The following ETF1 variants were observed in gnomAD, a reference collection of about 807,000 sequenced individuals.
The protein encoded by ETF1 is eukaryotic peptide chain release factor subunit 1.
Under a neutral mutation model 55.1 loss-of-function variants are expected in ETF1, and 4 were observed. The ratio of observed to expected loss-of-function variants is 0.07; its 90% CI spans 0.04 to 0.17. ETF1 has a LOEUF of 0.17. ETF1 is among the 10% of genes least tolerant of loss of function. The pLI is 1.00. For missense variants in ETF1, 142 were observed against 523.6 expected (o/e 0.27, Z 7.11); for synonymous variants, 157 against 182.3 (o/e 0.86, Z 1.12).
intron 2 of ETF1, among the ~76,000 whole-genome samples, chr5:138,536,255 G>C (rs998675450): frequency 6.6e-6 from 1 of 152,184 alleles, no homozygotes; most frequent in Admixed American, 6.5e-5. Flanking sequence ...GATCTTAGAA[G>C]AACAAATGAA....
chr5:138,510,766 T>G, intron 8 of ETF1, 137 bp from the exon 9 acceptor site: 2 of 1,239,846 alleles, frequency 1.6e-6, no homozygotes, highest in Non-Finnish European at 1.1e-6. Context: ...CATGTTAGCA[T>G]ACACTGAGTG....
chr5:138,531,486 A>G (rs1223938698), intron 2 of ETF1, among the ~76,000 whole-genome samples: 1 of 152,204 alleles, frequency 6.6e-6, no homozygotes, highest in African/African-American at 2.4e-5. Context: ...ACTCAACTTT[A>G]CCAGCCCGAA....
At position 138,510,561 on chromosome 5, in the gene ETF1, A is replaced by G. The variant is rs1220103581; in HGVS notation, c.1083+4T>C. The G allele has an allele frequency of 1.2e-6, 2 of 1,602,834 alleles. No homozygotes were observed. Among genetic ancestry groups the G allele is most frequent in the African/African-American group, 1.3e-5 (1 of 74,728 alleles). On this transcript the variant is annotated splice_donor_region_variant and intron_variant, in intron 9 of 10. Transcript: ENST00000360541. ...ATCATCAAACCAAGAAAATAATCAC[A>G]TACCTCTTTGTCTGTGAAATGAGAT...
At chr5:138,543,010 C>T (rs1561850725) in intron 1 of ETF1, 74 bp from the exon 2 acceptor site, 1 of 1,374,400 alleles carries the variant, frequency 7.3e-7, no homozygotes, top group Non-Finnish European at 1.0e-6. Flanking sequence ...GAGCGGCCCC[C>T]TTCCTCGCCA....
chr5:138,536,277 AAGAGTACAAAC>A (rs1208641161), intron 2 of ETF1, among the ~76,000 whole-genome samples: 1 of 152,250 alleles, frequency 6.6e-6, no homozygotes, highest in Non-Finnish European at 1.5e-5. Context: ...ATGTGAAAAC[AAGAGTACAAAC>A]TCAACATGCA....
intron 2 of ETF1, chr5:138,519,310 A>G (rs1249993911): frequency 2.3e-6 from 1 of 426,580 alleles, no homozygotes; most frequent in Non-Finnish European, 3.1e-6. Context: ...TCAAGAATTT[A>G]GTATTCTAAT....
rs542414597 is a variant in ETF1 at position 138,506,119 on chromosome 5, C to T, written c.*2186G>A. The T allele has an allele frequency of 1.3e-5, 2 of 152,722 alleles. No homozygotes were observed. Among genetic ancestry groups the T allele is most frequent in the African/African-American group, 4.8e-5 (2 of 41,574 alleles). 9.5% of individuals were successfully genotyped at this position (152,722 alleles called of 1,614,324 possible). ...ATATTCTTAAATATGGTTTAATACT[C>T]TTCTCCATTTCTGTACATCACAACA... On this transcript the variant is annotated 3_prime_UTR_variant, in exon 11 of 11. Transcript: ENST00000360541.
intron 2 of ETF1, among the ~76,000 whole-genome samples, chr5:138,538,172 G>T (rs1251840328): frequency 6.7e-6 from 1 of 148,392 alleles, no homozygotes; most frequent in Admixed American, 6.7e-5. Context: ...TTACAGGCGT[G>T]AGCCACCACG....
At chr5:138,542,611 A>T in intron 2 of ETF1, 3 of 1,418,628 alleles carry the variant, frequency 2.1e-6, no homozygotes, top group Non-Finnish European at 2.8e-6. Context: ...AGTGATCTAA[A>T]CCGGGGAGCG....
chr5:138,528,224 C>T (rs764731317), intron 2 of ETF1, among the ~76,000 whole-genome samples: 1 of 152,090 alleles, frequency 6.6e-6, no homozygotes, highest in African/African-American at 2.4e-5. Context: ...GGCAACAAAC[C>T]CCAAAGATTT....
chr5:138,538,090 A>G (rs1027546837), intron 2 of ETF1, among the ~76,000 whole-genome samples: 3 of 146,074 alleles, frequency 2.1e-5, no homozygotes, highest in African/African-American at 7.8e-5. Flanking sequence ...GGGTTTCTCC[A>G]TGTTGGTCAG....
intron 2 of ETF1, chr5:138,541,804 G>A (rs1766189148): frequency 2.0e-6 from 1 of 507,178 alleles, no homozygotes; most frequent in Non-Finnish European, 3.2e-6. Context: ...AAGTTTCTAT[G>A]ACTGGGAAAG....
intron 10 of ETF1, 120 bp from the exon 11 acceptor site, chr5:138,508,507 T>G (rs1356527003): frequency 6.4e-7 from 1 of 1,559,292 alleles, no homozygotes; most frequent in African/African-American, 1.4e-5. Flanking sequence ...AGCAAAGAGG[T>G]AATAATAAAC....
rs183993383 is a variant in ETF1, at chr5:138,536,569, G to A, written c.86+6264C>T. ...CTCACTAAGATAGTAGGCTGCTGAA[G>A]AATTAAAAGACACCTACAGAATGTA... is the stretch of plus-strand genomic sequence containing the variant. On this transcript the variant is annotated intron_variant, in intron 2 of 10. Transcript: ENST00000360541. Among the ~76,000 whole-genome samples, 39 of 152,272 alleles carry A rather than the reference G, an allele frequency of 2.6e-4. No individual in the cohort carries two copies. In the East Asian group the frequency reaches 7.3e-3, roughly 29 times the overall value.
intron 6 of ETF1, chr5:138,512,096 A>G (rs1286199573): frequency 6.9e-6 from 1 of 144,876 alleles, no homozygotes; most frequent in African/African-American, 2.6e-5. Context: ...GCTACTTGGG[A>G]GGCTGAGCTG....
Position 138,508,730 on chromosome 5 carries a change from T to C in ETF1, c.1170A>G (p.Glu390=), listed in dbSNP as rs1417085123. ...CTTCTTGTGATTTATCTGTGACAAT[T>C]TCCAACGTAGCTCCAAATTTTTTAT... The part of the protein sequence containing the change: ...NNYKKFGATL[E]IVTDKSQEGS... The change falls in exon 10 of 11, where the codon GAA becomes GAG. Residue 390 remains glutamate, a synonymous_variant. Coordinates refer to ENST00000360541, the MANE Select transcript of ETF1 (RefSeq NM_004730.4). The C allele has an allele frequency of 6.2e-7, 1 of 1,613,454 alleles. No individual in the cohort carries two copies. The highest frequency in any genetic ancestry group is 1.3e-5 in the African/African-American group (1 of 74,892).
chr5:138,536,799 A>G (rs1358034964), intron 2 of ETF1, among the ~76,000 whole-genome samples: 1 of 152,128 alleles, frequency 6.6e-6, no homozygotes, highest in African/African-American at 2.4e-5. Flanking sequence ...CCATCCCAGG[A>G]CAGGGGGTGG....
chr5:138,511,862 G>A (rs1764798467), intron 6 of ETF1: 3 of 985,002 alleles, frequency 3.0e-6, no homozygotes, highest in Admixed American at 6.2e-5. Flanking sequence ...AGTTATTGTG[G>A]AGGAAAGGGG....
chr5:138,521,989 G>A (rs1278645436), intron 2 of ETF1, among the ~76,000 whole-genome samples: 1 of 152,008 alleles, frequency 6.6e-6, no homozygotes, highest in Non-Finnish European at 1.5e-5. Flanking sequence ...ATTTTTCTTA[G>A]TTTAGTCACA....
Sources: gnomAD v4.1 joint callset for allele counts (sites outside exome capture counted in the v4.1 genomes callset) on GRCh38, gnomAD v4.1.1 for gene constraint, MANE v1.5 for transcripts, NCBI Gene and HGNC (gene_info 2026-07-23, HGNC 2026-07-21) for gene names.